Variants in STAMBPL1 observed in about 807,000 individuals in gnomAD.
STAMBPL1 encodes STAM binding protein like 1.
Under a neutral mutation model 52.9 loss-of-function variants are expected in STAMBPL1, and 44 were observed. That is an observed-to-expected ratio of 0.83 (90% CI 0.65 to 1.07). STAMBPL1 has a LOEUF of 1.07. STAMBPL1 is among the 50% of genes least tolerant of loss of function. STAMBPL1 has a pLI of 0.00. For synonymous variants in STAMBPL1, 164 were observed against 177.3 expected (o/e 0.92, Z 0.60); for missense variants, 511 against 520.8 (o/e 0.98, Z 0.18).
intron 8 of STAMBPL1, among the ~76,000 whole-genome samples, chr10:88,917,183 A>G (rs890857536): frequency 6.6e-6 from 1 of 152,198 alleles, no homozygotes; most frequent in African/African-American, 2.4e-5. Flanking sequence ...AGCCTAGTGA[A>G]GGCTTAGCCA....
intron 3 of STAMBPL1, among the ~76,000 whole-genome samples, chr10:88,907,544 A>G (rs375956545): frequency 6.6e-6 from 1 of 152,188 alleles, no homozygotes; most frequent in Non-Finnish European, 1.5e-5. Context: ...AGCCTGGTGA[A>G]AAGGAAAAGG....
At chr10:88,922,532 A>C (rs1845541277) in intron 10 of STAMBPL1, 96 bp downstream of exon 10, 1 of 1,125,704 alleles carries the variant, frequency 8.9e-7, no homozygotes, top group Non-Finnish European at 1.3e-6. Flanking sequence ...ATATAAGATA[A>C]AATACTGTAC....
At chr10:88,908,318 G>A (rs1380207982) in intron 3 of STAMBPL1, among the ~76,000 whole-genome samples, 1 of 152,104 alleles carries the variant, frequency 6.6e-6, no homozygotes. Flanking sequence ...TTTTTCAAGA[G>A]TGAGAAGGGA....
intron 1 of STAMBPL1, among the ~76,000 whole-genome samples, chr10:88,890,898 G>A (rs968647366): frequency 6.6e-6 from 1 of 152,236 alleles, no homozygotes; most frequent in African/African-American, 2.4e-5. Flanking sequence ...TCCTCTCTGG[G>A]CTACCAATTC....
intron 8 of STAMBPL1, among the ~76,000 whole-genome samples, chr10:88,918,170 A>G (rs1011548708): frequency 1.3e-5 from 2 of 152,140 alleles, no homozygotes; most frequent in Admixed American, 1.3e-4. Context: ...GATACTGGCC[A>G]AGAAAATTTC....
chr10:88,921,851 G>C (rs1465491871), intron 9 of STAMBPL1, among the ~76,000 whole-genome samples: 2 of 152,164 alleles, frequency 1.3e-5, no homozygotes, highest in African/African-American at 4.8e-5. Flanking sequence ...CTTGACCACT[G>C]TGGGTCTCTG....
intron 6 of STAMBPL1, 108 bp downstream of exon 6, chr10:88,913,566 A>G (rs1007288496): frequency 3.4e-6 from 3 of 892,994 alleles, no homozygotes; most frequent in African/African-American, 1.7e-5. Context: ...TTGTAGTAGG[A>G]CCCCTGCATA....
chr10:88,896,884 GAAAA>G (rs751232159), intron 1 of STAMBPL1, among the ~76,000 whole-genome samples: 15 of 151,682 alleles, frequency 9.9e-5, no homozygotes, highest in Non-Finnish European at 2.2e-4. Flanking sequence ...ACTATTTTAA[GAAAA>G]AGAAAGAAAG....
chr10:88,901,378 T>C (rs6586154), intron 1 of STAMBPL1: 55,974 of 219,686 alleles, frequency 0.25, 7,763 homozygotes, highest in South Asian at 0.47. Context: ...TGCATAGAGT[T>C]CTAAGTAAGG....
At chr10:88,896,858 G>A (rs934508875) in intron 1 of STAMBPL1, among the ~76,000 whole-genome samples, 10 of 151,528 alleles carry the variant, frequency 6.6e-5, no homozygotes, top group Non-Finnish European at 8.8e-5. Context: ...ATACATGCAC[G>A]CACGCACACA....
chr10:88,902,592 C>T (rs970931313), intron 2 of STAMBPL1, among the ~76,000 whole-genome samples: 22 of 150,790 alleles, frequency 1.5e-4, no homozygotes, highest in African/African-American at 4.4e-4. Context: ...TTTTTTGAGG[C>T]GGAGTCTCGC....
intron 1 of STAMBPL1, among the ~76,000 whole-genome samples, chr10:88,896,497 A>T (rs1237232737): frequency 6.6e-6 from 1 of 152,218 alleles, no homozygotes; most frequent in African/African-American, 2.4e-5. Context: ...CCAACTGAGT[A>T]AATTGCACCA....
intron 2 of STAMBPL1, among the ~76,000 whole-genome samples, chr10:88,903,805 T>A (rs1307693325): frequency 6.6e-6 from 1 of 152,232 alleles, no homozygotes; most frequent in Non-Finnish European, 1.5e-5. Context: ...CTGTCTCTGA[T>A]GTGGGGAAGC....
At chr10:88,891,738 TTAGATAATTGTG>T (rs1006190799) in intron 1 of STAMBPL1, among the ~76,000 whole-genome samples, 16 of 152,216 alleles carry the variant, frequency 1.1e-4, no homozygotes, top group Admixed American at 2.6e-4. Flanking sequence ...ACAATCTTTA[TTAGATAATTGTG>T]TAGATAATTG....
At chr10:88,887,420 C>A (rs1370246018) in intron 1 of STAMBPL1, among the ~76,000 whole-genome samples, 1 of 152,044 alleles carries the variant, frequency 6.6e-6, no homozygotes, top group Non-Finnish European at 1.5e-5. Flanking sequence ...TACTGAATAA[C>A]TTAGGTAACT....
At chr10:88,882,321 T>C (rs1564617382) in intron 1 of STAMBPL1, 1 of 152,254 alleles carries the variant, frequency 6.6e-6, no homozygotes, top group Non-Finnish European at 1.5e-5. Flanking sequence ...GATTTGCTTC[T>C]GGAGGAGAGA....
chr10:88,916,673 T>G lies in STAMBPL1; in HGVS notation c.904-7T>G. On this transcript the variant is annotated splice_polypyrimidine_tract_variant and splice_region_variant and intron_variant, in intron 7 of 10. Transcript: ENST00000371926. Reference sequence around the variant, plus strand: ...TGCATGTCATTCTTTCTGCTATTGTTTTTTAGACACATAATGAATTTACTA... The same window carrying G: ...TGCATGTCATTCTTTCTGCTATTGTGTTTTAGACACATAATGAATTTACTA... 4 of 1,592,086 alleles carry G rather than the reference T, an allele frequency of 2.5e-6. No individual in the cohort carries two copies. The highest frequency in any genetic ancestry group is 2.6e-6 in the Non-Finnish European group (3 of 1,172,896).
rs1028126395 is a variant in STAMBPL1 at position 88,923,437 on chromosome 10, T to C, written c.*213T>C. 38 of 1,269,708 alleles carry C rather than the reference T, an allele frequency of 3.0e-5. No individual in the cohort carries two copies. The highest frequency in any genetic ancestry group is 3.6e-5 in the Non-Finnish European group (36 of 1,010,164). The allele number at this position is 1,269,708 out of a possible 1,614,324, so 78.7% of individuals were successfully genotyped here. On this transcript the variant is annotated 3_prime_UTR_variant, in exon 11 of 11. Transcript: ENST00000371926. ...GGTTACATGGTGTTAAATCGGTACCTGATAATGTACCCAAATACTATGGCC... is the reference window on the plus strand; with the variant it reads ...GGTTACATGGTGTTAAATCGGTACCCGATAATGTACCCAAATACTATGGCC...
intron 10 of STAMBPL1, 38 bp from the exon 11 acceptor site, chr10:88,923,130 A>G (rs778489059): frequency 4.2e-6 from 6 of 1,437,844 alleles, no homozygotes; most frequent in African/African-American, 2.8e-5. Flanking sequence ...ATTATGGTGA[A>G]ATCAAACATA....
Sources: allele counts gnomAD v4.1 joint callset (sites outside exome capture counted in the v4.1 genomes callset), GRCh38; gene constraint gnomAD v4.1.1; transcripts MANE v1.5; gene names NCBI Gene and HGNC (gene_info 2026-07-23, HGNC 2026-07-21).